Variants in USP28 observed in about 807,000 individuals in gnomAD.
The protein encoded by USP28 is ubiquitin specific peptidase 28.
Under a neutral mutation model 145.0 loss-of-function variants are expected in USP28, and 113 were observed. That is an observed-to-expected ratio of 0.78 (90% CI 0.67 to 0.91). The LOEUF is 0.91. Ranked by LOEUF, USP28 falls within the 40% of genes least tolerant of loss-of-function variation. USP28 has a pLI of 0.00. For missense variants in USP28, 1,201 were observed against 1,289.6 expected (o/e 0.93, Z 1.05); for synonymous variants, 447 against 450.9 (o/e 0.99, Z 0.11).
intron 3 of USP28, among the ~76,000 whole-genome samples, chr11:113,843,526 C>G (rs989470544): frequency 1.3e-5 from 2 of 151,638 alleles, no homozygotes; most frequent in East Asian, 3.9e-4. Flanking sequence ...ACAAAATTAG[C>G]CAGGCGCGGT....
rs114824534 is a variant in USP28 at position 113,844,793 on chromosome 11, C to T, written c.269-3025G>A. Reference sequence around the variant, plus strand: ...GTGGAGAAACTGGAAACTTTGTGCACTGTTGGTGGGATTTTAAGATGGTGC... The same window carrying T: ...GTGGAGAAACTGGAAACTTTGTGCATTGTTGGTGGGATTTTAAGATGGTGC... On this transcript the variant is annotated intron_variant, in intron 3 of 24. Transcript: ENST00000003302. 1.8e-3 allele frequency among the ~76,000 whole-genome samples: 270 copies of T among 152,166 alleles called. 2 individuals carry two copies. Among genetic ancestry groups the T allele is most frequent in the African/African-American group, 6.3e-3 (263 of 41,510 alleles).
intron 3 of USP28, among the ~76,000 whole-genome samples, chr11:113,842,351 C>T (rs1295936356): frequency 3.3e-5 from 5 of 151,884 alleles, no homozygotes; most frequent in South Asian, 2.1e-4. Flanking sequence ...TTTGGGAGGC[C>T]GAGGCGGGCG....
chr11:113,866,584 C>G (rs1274955290), intron 1 of USP28, among the ~76,000 whole-genome samples: 1 of 152,172 alleles, frequency 6.6e-6, no homozygotes, highest in African/African-American at 2.4e-5. Flanking sequence ...AAATCAAAAT[C>G]ATGATGAGAT....
chr11:113,851,725 C>T (rs1161607033), intron 3 of USP28, among the ~76,000 whole-genome samples: 2 of 149,230 alleles, frequency 1.3e-5, no homozygotes, highest in East Asian at 2.0e-4. Flanking sequence ...GCAGAGGTTG[C>T]GGTGAGCGCA....
At chr11:113,824,206 G>C (rs1029687039) in intron 11 of USP28, among the ~76,000 whole-genome samples, 3 of 152,102 alleles carry the variant, frequency 2.0e-5, no homozygotes, top group African/African-American at 7.2e-5. Flanking sequence ...ACATGTGCAA[G>C]ACCTGTACAC....
At chr11:113,862,904 C>T in intron 1 of USP28, among the ~76,000 whole-genome samples, 1 of 152,008 alleles carries the variant, frequency 6.6e-6, no homozygotes, top group Non-Finnish European at 1.5e-5. Flanking sequence ...GATACAGGGC[C>T]TTTATAAAAA....
intron 17 of USP28, 68 bp downstream of exon 17, chr11:113,808,995 T>C (rs1452834840): frequency 1.9e-5 from 29 of 1,518,870 alleles, no homozygotes; most frequent in South Asian, 7.4e-5. Context: ...CTGAAGGGTA[T>C]AGGGCTGGCT....
At chr11:113,807,160 C>T (rs2135276613) in intron 18 of USP28, among the ~76,000 whole-genome samples, 1 of 151,988 alleles carries the variant, frequency 6.6e-6, no homozygotes, top group East Asian at 1.9e-4. Context: ...GCAACCTCCG[C>T]CTCCCGGGTT....
intron 9 of USP28, chr11:113,829,556 C>G (rs1168337280): frequency 1.8e-6 from 1 of 564,720 alleles, no homozygotes; most frequent in African/African-American, 1.9e-5. Flanking sequence ...CCAGGGGCTT[C>G]GTGGCTTATG....
chr11:113,845,745 T>C (rs901468711), intron 3 of USP28, among the ~76,000 whole-genome samples: 25 of 152,248 alleles, frequency 1.6e-4, no homozygotes, highest in African/African-American at 6.0e-4. Flanking sequence ...TGGCTAATTT[T>C]TCTATCTTTT....
intron 1 of USP28, among the ~76,000 whole-genome samples, chr11:113,856,733 GAC>G (rs1419126922): frequency 6.6e-6 from 1 of 152,032 alleles, no homozygotes; most frequent in African/African-American, 2.4e-5. Flanking sequence ...TTATTTCTGA[GAC>G]AGAGTCTCAC....
At chr11:113,805,530 A>G (rs1939801974) in intron 19 of USP28, among the ~76,000 whole-genome samples, 1 of 152,196 alleles carries the variant, frequency 6.6e-6, no homozygotes, top group South Asian at 2.1e-4. Flanking sequence ...TGCTGGGATT[A>G]CAGGCATGAG....
intron 5 of USP28, among the ~76,000 whole-genome samples, chr11:113,836,479 T>C (rs1206370824): frequency 6.6e-6 from 1 of 152,088 alleles, no homozygotes; most frequent in Non-Finnish European, 1.5e-5. Flanking sequence ...AGTACCTCGC[T>C]AATATGGCAA....
In USP28 at chr11:113,832,124, T is replaced by G. The variant is rs1944066695; in HGVS notation, c.760-131A>C. 10 of 828,614 alleles carry G rather than the reference T, an allele frequency of 1.2e-5. No individual in the cohort carries two copies. The South Asian group carries it at 1.4e-4, about 12-fold the overall frequency. The allele number at this position is 828,614 out of a possible 1,614,324, so 51.3% of individuals were successfully genotyped here. ...TTTCTTTTTTTCTTTTCTTTTTTTGTTTTGAGACAGGGTCTCACTCTGTCG... is the reference window on the plus strand; with the variant it reads ...TTTCTTTTTTTCTTTTCTTTTTTTGGTTTGAGACAGGGTCTCACTCTGTCG... On this transcript the variant is annotated intron_variant, in intron 7 of 24. Coordinates refer to ENST00000003302, the Ensembl canonical transcript of USP28.
At position 113,823,665 on chromosome 11, in the gene USP28, T is replaced by A. The variant is rs746418240; in HGVS notation, c.1223A>T (p.Lys408Met). 1.9e-6 allele frequency: 3 copies of A among 1,612,312 alleles called. No individual in the cohort carries two copies. The East Asian group carries it at 6.7e-5, about 36-fold the overall frequency. ...CTTCAACTTTCGAATACACTCTCTC[T>A]TATTTCGAATAAGCTCCTTGCTCCT... The change falls in exon 12 of 25, where the codon AAG becomes ATG. Residue 408 changes from lysine (K) to methionine (M), a missense_variant. Lys to Met is a moderately conservative substitution (Grantham distance 95). Coordinates refer to ENST00000003302, the Ensembl canonical transcript of USP28.
At chr11:113,865,655 C>T (rs1195912329) in intron 1 of USP28, among the ~76,000 whole-genome samples, 1 of 152,162 alleles carries the variant, frequency 6.6e-6, no homozygotes, top group African/African-American at 2.4e-5. Context: ...GCAGAAGAAT[C>T]ACACTGGACC....
At chr11:113,835,305 G>A (rs552907839) in intron 5 of USP28, 4 of 455,880 alleles carry the variant, frequency 8.8e-6, no homozygotes, top group East Asian at 6.9e-5. Flanking sequence ...AGGCCTGCAC[G>A]GTGGAACTCC....
chr11:113,825,027 C>A (rs1438797499), intron 11 of USP28, among the ~76,000 whole-genome samples: 1 of 150,468 alleles, frequency 6.6e-6, no homozygotes, highest in South Asian at 2.1e-4. Flanking sequence ...TGGGTAGAAA[C>A]TGACAAGCTG....
intron 19 of USP28, 80 bp downstream of exon 20, chr11:113,806,409 T>C (rs1939966439): frequency 7.8e-7 from 1 of 1,274,436 alleles, no homozygotes; most frequent in Admixed American, 2.0e-5. Flanking sequence ...TTAACCCCAT[T>C]TTTTCCCTTC....
Sources: gnomAD v4.1 joint callset for allele counts (sites outside exome capture counted in the v4.1 genomes callset) on GRCh38, gnomAD v4.1.1 for gene constraint, MANE v1.5 for transcripts, NCBI Gene and HGNC (gene_info 2026-07-23, HGNC 2026-07-21) for gene names.